MYO5B: variants seen among roughly 807,000 people sequenced by gnomAD.
MYO5B encodes the protein unconventional myosin-Vb.
In MYO5B, 143 loss-of-function variants were observed where a neutral mutation model predicts 229.3. The observed-to-expected ratio is 0.62, with a 90% CI of 0.54 to 0.72. The LOEUF (loss-of-function observed/expected upper bound fraction) is 0.72, where lower values mean the gene tolerates loss of function less well. Among genes scored for constraint, MYO5B ranks in the 30% least tolerant of loss-of-function variants. MYO5B has a pLI of 0.00. For synonymous variants in MYO5B, 918 were observed against 885.2 expected (o/e 1.04, Z -0.66); for missense variants, 2,321 against 2,331.0 (o/e 1.00, Z 0.09).
intron 1 of MYO5B, among the ~76,000 whole-genome samples, chr18:50,157,085 GTT>G (rs1456716751): frequency 7.4e-6 from 1 of 134,856 alleles, no homozygotes; most frequent in African/African-American, 2.8e-5. Context: ...TATCCTTTTT[GTT>G]TTGTTTTTTT....
intron 7 of MYO5B, among the ~76,000 whole-genome samples, chr18:49,986,070 C>G (rs140980009): frequency 9.8e-5 from 15 of 152,334 alleles, no homozygotes; most frequent in African/African-American, 2.9e-4. Context: ...AGAGGTCCCA[C>G]TGCTCACAAA....
At chr18:50,020,267 T>A (rs1442756289) in intron 4 of MYO5B, among the ~76,000 whole-genome samples, 1 of 152,162 alleles carries the variant, frequency 6.6e-6, no homozygotes, top group African/African-American at 2.4e-5. Context: ...ATCAGAAACA[T>A]AAAACACTCA....
intron 3 of MYO5B, among the ~76,000 whole-genome samples, chr18:50,037,284 T>G (rs2026460227): frequency 6.6e-6 from 1 of 151,770 alleles, no homozygotes; most frequent in African/African-American, 2.4e-5. Context: ...AAAATAGACA[T>G]GTGCAAGGTG....
chr18:50,191,045 T>C (rs2033218961), intron 1 of MYO5B, among the ~76,000 whole-genome samples: 1 of 152,208 alleles, frequency 6.6e-6, no homozygotes, highest in South Asian at 2.1e-4. Context: ...GAATAATCTC[T>C]AAGAAACAAA....
At chr18:49,875,503 G>A (rs2024508901) in intron 26 of MYO5B, among the ~76,000 whole-genome samples, 184 bp downstream of exon 26, 1 of 152,184 alleles carries the variant, frequency 6.6e-6, no homozygotes, top group South Asian at 2.1e-4. Context: ...CTCCTGTTCA[G>A]CTGGGCGGTG....
At chr18:50,072,613 T>C (rs193053481) in intron 1 of MYO5B, among the ~76,000 whole-genome samples, 26 of 152,284 alleles carry the variant, frequency 1.7e-4, no homozygotes, top group Admixed American at 1.5e-3. Context: ...CAACACCTCA[T>C]GTGGGCATGA....
chr18:49,993,911 G>C (rs2025959098), intron 5 of MYO5B, among the ~76,000 whole-genome samples: 1 of 152,116 alleles, frequency 6.6e-6, no homozygotes, highest in Admixed American at 6.6e-5. Flanking sequence ...TGGCTTATGT[G>C]CTTGGCAGGA....
intron 10 of MYO5B, among the ~76,000 whole-genome samples, chr18:49,973,030 C>A (rs2025707455): frequency 6.6e-6 from 1 of 152,154 alleles, no homozygotes; most frequent in African/African-American, 2.4e-5. Flanking sequence ...CAGTTCAAAT[C>A]TTAGCTCCCA....
chr18:49,895,305 G>T, intron 21 of MYO5B, 131 bp from the exon 22 acceptor site: 2 of 751,552 alleles, frequency 2.7e-6, no homozygotes, highest in East Asian at 2.7e-5. Flanking sequence ...CACAATCATT[G>T]CATGCTCAAG....
intron 32 of MYO5B, among the ~76,000 whole-genome samples, chr18:49,848,547 G>A (rs547730848): frequency 6.7e-6 from 1 of 148,296 alleles, no homozygotes; most frequent in Non-Finnish European, 1.5e-5. Context: ...CTAGGGCTGG[G>A]ATTTCATTCT....
rs11313115 is a variant in MYO5B at position 49,939,148 on chromosome 18, CTTTTTTTTTT to C, written c.1753-1761_1753-1752del. On this transcript the variant is annotated intron_variant, in intron 14 of 39. Coordinates refer to ENST00000285039, the MANE Select transcript of MYO5B (RefSeq NM_001080467.3). ...TACATTAACACTCTTTCTTTTTTTT[CTTTTTTTTTT>C]TTTTTTTTGAAACAGTCTCGCTCTG... 7.8e-4 allele frequency among the ~76,000 whole-genome samples: 93 copies of C among 119,050 alleles called. 2 individuals are homozygous for C. Among genetic ancestry groups the C allele is most frequent in the African/African-American group, 2.9e-3 (89 of 30,322 alleles). 78.1% of individuals were successfully genotyped at this position (119,050 alleles called of 152,430 possible).
At position 49,904,742 on chromosome 18, in the gene MYO5B, C is replaced by T; in HGVS notation, c.2501G>A (p.Arg834Lys). 1 of 1,614,086 alleles carries T rather than the reference C, an allele frequency of 6.2e-7. No individual in the cohort carries two copies. Among genetic ancestry groups the T allele is most frequent in the Non-Finnish European group, 8.5e-7 (1 of 1,180,048 alleles). ...GATAACAACGGCAGCTCTGCGGACC[C>T]TCTGGTAGGCCTGGCGGGCCCTCTG... ...RMQRARQAYQ[R>K]VRRAAVVIQA... The change falls in exon 20 of 40, where the codon AGG (arginine) becomes AAG (lysine). Residue 834 changes from arginine (R) to lysine (K), a missense_variant. Physicochemically the swap from Arg to Lys is conservative, Grantham distance 26. Transcript: ENST00000285039.
intron 4 of MYO5B, among the ~76,000 whole-genome samples, chr18:50,034,573 G>A (rs573459519): frequency 1.3e-5 from 2 of 152,064 alleles, no homozygotes; most frequent in African/African-American, 2.4e-5. Flanking sequence ...GTGAAACCCC[G>A]TCCCTACTAA....
chr18:50,025,913 A>G (rs1043059476), intron 4 of MYO5B, among the ~76,000 whole-genome samples: 1 of 152,262 alleles, frequency 6.6e-6, no homozygotes, highest in African/African-American at 2.4e-5. Context: ...AATAAAGAAA[A>G]CTGTGAACAT....
Position 49,864,153 on chromosome 18 carries a change from G to A in MYO5B, c.3831C>T (p.Ala1277=). 4 of 1,609,464 alleles carry A rather than the reference G, an allele frequency of 2.5e-6. No homozygotes were observed. The highest frequency in any genetic ancestry group is 2.2e-5 in the East Asian group (1 of 44,872). ...QIVSADQRRL[A]GRNAEPNINA... ...GCCATCTTGTTACCGCGTTCCTGCCGGCGAGTCGCCGCTGGTCGGCGCTCA... is the reference window on the plus strand; with the variant it reads ...GCCATCTTGTTACCGCGTTCCTGCCAGCGAGTCGCCGCTGGTCGGCGCTCA... Residue 1277 remains alanine (A), a synonymous_variant, in exon 28 of 40, where the codon GCC becomes GCT. Transcript: ENST00000285039.
At chr18:49,877,439 A>C (rs1293473001) in intron 25 of MYO5B, among the ~76,000 whole-genome samples, 2 of 152,228 alleles carry the variant, frequency 1.3e-5, no homozygotes, top group African/African-American at 2.4e-5. Flanking sequence ...TTAATGACTT[A>C]GCTGTTCCTT....
chr18:49,980,390 A>AAACTGT (rs1555648900), intron 9 of MYO5B, 54 bp downstream of exon 9: 1 of 1,282,208 alleles, frequency 7.8e-7, no homozygotes, highest in African/African-American at 1.5e-5. Context: ...CAGTCATATC[A>AAACTGT]AAGAACAGGG....
At chr18:50,014,149 AC>A (rs760663283) in intron 4 of MYO5B, among the ~76,000 whole-genome samples, 24 of 152,254 alleles carry the variant, frequency 1.6e-4, no homozygotes, top group Non-Finnish European at 2.5e-4. Flanking sequence ...AGGAAGAGAA[AC>A]CCGGGGTCCA....
chr18:50,114,418 G>A (rs796458516), intron 1 of MYO5B, among the ~76,000 whole-genome samples: 3 of 152,262 alleles, frequency 2.0e-5, no homozygotes, highest in African/African-American at 7.2e-5. Context: ...ACTCCTCCAA[G>A]CTAACCAAGG....
Sources: allele counts gnomAD v4.1 joint callset (sites outside exome capture counted in the v4.1 genomes callset), GRCh38; gene constraint gnomAD v4.1.1; transcripts MANE v1.5; gene names NCBI Gene and HGNC (gene_info 2026-07-23, HGNC 2026-07-21).